NOX4: variants seen among roughly 807,000 people sequenced by gnomAD.
The protein encoded by NOX4 is NADPH oxidase 4.
In NOX4, 69 loss-of-function variants were observed where a neutral mutation model predicts 87.6. The observed-to-expected ratio is 0.79, with a 90% CI of 0.65 to 0.96. The LOEUF is 0.96. NOX4 is among the 40% of genes least tolerant of loss of function. The pLI is 0.00. For synonymous variants in NOX4, 275 were observed against 238.2 expected (o/e 1.15, Z -1.42); for missense variants, 680 against 681.5 (o/e 1.00, Z 0.02).
At chr11:89,346,202 T>A (rs1946208952) in intron 13 of NOX4, among the ~76,000 whole-genome samples, 1 of 152,118 alleles carries the variant, frequency 6.6e-6, no homozygotes. Flanking sequence ...TATTATCTAA[T>A]GCAATCTCAT....
At chr11:89,364,949 GACAAAAACAAA>G (rs1314167112) in intron 12 of NOX4, among the ~76,000 whole-genome samples, 3 of 152,084 alleles carry the variant, frequency 2.0e-5, no homozygotes, top group African/African-American at 7.2e-5. Flanking sequence ...TTAAAGAAAA[GACAAAAACAAA>G]ACAAAAACAC....
chr11:89,487,734 A>G (rs1328382081), intron 2 of NOX4, among the ~76,000 whole-genome samples: 1 of 152,172 alleles, frequency 6.6e-6, no homozygotes, highest in Non-Finnish European at 1.5e-5. Context: ...TAAGTTAATA[A>G]CATATAGTTC....
intron 12 of NOX4, among the ~76,000 whole-genome samples, chr11:89,364,242 G>C (rs1252330075): frequency 3.3e-5 from 5 of 151,570 alleles, no homozygotes; most frequent in Non-Finnish European, 5.9e-5. Flanking sequence ...GTGAGACCCT[G>C]TCTCTCTCTC....
At chr11:89,526,384 C>A in the NOX4 span, among the ~76,000 whole-genome samples, 6 of 152,288 alleles carry the variant, frequency 3.9e-5, no homozygotes, top group East Asian at 1.2e-3. Context: ...CTTCCTAATA[C>A]TGAACATGTT....
chr11:89,533,631 G>A, the NOX4 span: 2 of 151,804 alleles, frequency 1.3e-5, no homozygotes, highest in Non-Finnish European at 2.9e-5. Context: ...TTTAAGATTT[G>A]TGAGTTCTTT....
At chr11:89,496,490 C>G (rs542190812), upstream of NOX4, among the ~76,000 whole-genome samples, 5 of 151,844 alleles carry the variant, frequency 3.3e-5, no homozygotes, top group South Asian at 1.0e-3. Context: ...ACATGGTAAT[C>G]ATTTCACAGT....
At chr11:89,546,027 A>T in the NOX4 span, among the ~76,000 whole-genome samples, 2 of 152,170 alleles carry the variant, frequency 1.3e-5, no homozygotes, top group Non-Finnish European at 1.5e-5. Context: ...GTTGAAAAAT[A>T]TTTAAAAATT....
chr11:89,584,440 A>G, the NOX4 span, among the ~76,000 whole-genome samples: 3 of 152,190 alleles, frequency 2.0e-5, no homozygotes, highest in East Asian at 5.8e-4. Flanking sequence ...TTACTTTTTT[A>G]CTCTGTCATG....
the NOX4 span, among the ~76,000 whole-genome samples, chr11:89,544,692 G>A: frequency 6.6e-6 from 1 of 152,070 alleles, no homozygotes; most frequent in African/African-American, 2.4e-5. Flanking sequence ...TTAGTTACGT[G>A]TAACTTTTCC....
chr11:89,554,988 G>A, the NOX4 span, among the ~76,000 whole-genome samples: 4 of 152,046 alleles, frequency 2.6e-5, no homozygotes, highest in East Asian at 1.9e-4. Context: ...TACTTTTAAT[G>A]TAAGCATATA....
At chr11:89,454,155 T>C (rs944966968) in intron 2 of NOX4, among the ~76,000 whole-genome samples, 1 of 152,144 alleles carries the variant, frequency 6.6e-6, no homozygotes, top group South Asian at 2.1e-4. Context: ...TTCCATTTAG[T>C]GTGTGACATG....
intron 12 of NOX4, among the ~76,000 whole-genome samples, chr11:89,356,348 T>C (rs1329587330): frequency 2.0e-5 from 3 of 150,528 alleles, no homozygotes; most frequent in African/African-American, 7.4e-5. Context: ...GAGCTAAGAA[T>C]TGATTTAGTA....
the NOX4 span, among the ~76,000 whole-genome samples, chr11:89,566,946 T>C: frequency 2.6e-5 from 4 of 152,164 alleles, no homozygotes; most frequent in African/African-American, 9.7e-5. Context: ...GGAGAGCTGC[T>C]TGGAGAAGTG....
chr11:89,381,388 C>T (rs974348904), intron 11 of NOX4, among the ~76,000 whole-genome samples: 7 of 152,108 alleles, frequency 4.6e-5, no homozygotes, highest in Non-Finnish European at 1.0e-4. Flanking sequence ...AGAAAATGGC[C>T]GGTTCCTGCC....
intron 8 of NOX4, among the ~76,000 whole-genome samples, chr11:89,415,683 C>T (rs1418588065): frequency 6.6e-6 from 1 of 151,928 alleles, no homozygotes; most frequent in Non-Finnish European, 1.5e-5. Context: ...GATTATGGAG[C>T]CATGTTAAAA....
chr11:89,437,018 CTA>C (rs1944111270), intron 6 of NOX4, among the ~76,000 whole-genome samples: 1 of 151,994 alleles, frequency 6.6e-6, no homozygotes, highest in East Asian at 1.9e-4. Flanking sequence ...ATAGAAGACT[CTA>C]TGTAATATTA....
At chr11:89,491,727 TACACACACACACACACACACACACAC>T, upstream of NOX4, among the ~76,000 whole-genome samples, 1 of 140,748 alleles carries the variant, frequency 7.1e-6, no homozygotes, top group Admixed American at 7.0e-5. Context: ...CGCCCCCTTG[TACACACACACACACACACACACACAC>T]ACACACACAC....
At position 89,402,184 on chromosome 11, in the gene NOX4, A is replaced by G. The variant is rs1317273307; in HGVS notation, c.846+142T>C. 8.9e-6 allele frequency: 6 copies of G among 673,528 alleles called. No individual in the cohort carries two copies. In the East Asian group the frequency reaches 1.6e-4, roughly 18 times the overall value. The allele number at this position is 673,528 out of a possible 1,614,324, so 41.7% of individuals were successfully genotyped here. ...AACTCTCAGGTACCTGTAATGGAAT[A>G]ATAGGTACTAACTTACTGTTGAAAC... is the stretch of plus-strand genomic sequence containing the variant. On this transcript the variant is annotated intron_variant, in intron 9 of 17. Transcript: ENST00000263317.
chr11:89,534,218 T>C, the NOX4 span, among the ~76,000 whole-genome samples: 133 of 152,360 alleles, frequency 8.7e-4, no homozygotes, highest in African/African-American at 3.1e-3. Context: ...TGTTCCTGCC[T>C]TTGTGCTTCC....
Sources: gnomAD v4.1 joint callset for allele counts (sites outside exome capture counted in the v4.1 genomes callset) on GRCh38, gnomAD v4.1.1 for gene constraint, MANE v1.5 for transcripts, NCBI Gene and HGNC (gene_info 2026-07-23, HGNC 2026-07-21) for gene names.